The following SLC39A11 variants were observed in gnomAD, a reference collection of about 807,000 sequenced individuals.
SLC39A11 encodes solute carrier family 39 member 11, also known as zinc transporter ZIP11.
In SLC39A11, 33 loss-of-function variants were observed where a neutral mutation model predicts 36.1. That is an observed-to-expected ratio of 0.91 (90% CI 0.69 to 1.22). The LOEUF (loss-of-function observed/expected upper bound fraction) is 1.22. Among genes scored for constraint, SLC39A11 ranks in the 50% most tolerant of loss-of-function variants. The pLI is 0.00. For synonymous variants in SLC39A11, 166 were observed against 170.3 expected (o/e 0.97, Z 0.20); for missense variants, 432 against 430.3 (o/e 1.00, Z -0.03).
At chr17:72,836,815 CCTTTGTGTGGTGT>C (rs756452104) in intron 6 of SLC39A11, among the ~76,000 whole-genome samples, 9 of 152,100 alleles carry the variant, frequency 5.9e-5, no homozygotes, top group Non-Finnish European at 8.8e-5. Flanking sequence ...ATGATGCATG[CCTTTGTGTGGTGT>C]TCTGCTTCCT....
chr17:72,974,805 G>C (rs773061237), intron 4 of SLC39A11, among the ~76,000 whole-genome samples: 19 of 152,200 alleles, frequency 1.2e-4, no homozygotes, highest in East Asian at 5.8e-4. Flanking sequence ...CTCCATTCAT[G>C]ATGAGTGCCC....
intron 5 of SLC39A11, among the ~76,000 whole-genome samples, chr17:72,932,453 C>T (rs1318636107): frequency 6.6e-6 from 1 of 150,646 alleles, no homozygotes; most frequent in Admixed American, 6.6e-5. Flanking sequence ...ACCCCCCACC[C>T]CCCACAGGCC....
intron 4 of SLC39A11, among the ~76,000 whole-genome samples, chr17:72,949,415 C>T (rs1353273559): frequency 1.3e-5 from 2 of 151,886 alleles, no homozygotes; most frequent in Admixed American, 1.3e-4. Flanking sequence ...CCTGCCTCGG[C>T]CTCCCAAAGT....
chr17:72,800,207 C>T (rs1007200575), intron 6 of SLC39A11, among the ~76,000 whole-genome samples: 3 of 151,800 alleles, frequency 2.0e-5, no homozygotes, highest in Non-Finnish European at 4.4e-5. Flanking sequence ...ACCAAGGATA[C>T]TTCAAAGTGG....
At position 73,063,167 on chromosome 17, in the gene SLC39A11, C is replaced by G. The variant is rs751749861; in HGVS notation, c.147+21641G>C. ...AAGGTACTAGCATTGTCTCTATCAC[C>G]CTCAGTCTTTTGGAAAGATAAAAAT... On this transcript the variant is annotated intron_variant, in intron 3 of 9. Coordinates refer to ENST00000255559, the MANE Select transcript of SLC39A11 (RefSeq NM_139177.4). Among the ~76,000 whole-genome samples the G allele has an allele frequency of 3.3e-4, 50 of 152,078 alleles. 2 individuals carry two copies. The highest frequency in any genetic ancestry group is 2.5e-3 in the Admixed American group (38 of 15,264).
chr17:72,871,413 T>C (rs925411729), intron 5 of SLC39A11, among the ~76,000 whole-genome samples: 3 of 152,124 alleles, frequency 2.0e-5, no homozygotes, highest in Non-Finnish European at 4.4e-5. Flanking sequence ...GCGGTGCCTT[T>C]TGGAAAGCCC....
chr17:72,847,200 T>C lies in SLC39A11; in HGVS notation c.601+2434A>G, dbSNP rs534326631. 2.6e-5 allele frequency among the ~76,000 whole-genome samples: 4 copies of C among 152,218 alleles called. No individual in the cohort carries two copies. In the East Asian group the frequency reaches 7.7e-4, roughly 29 times the overall value. On this transcript the variant is annotated intron_variant, in intron 6 of 9. Transcript: ENST00000255559. The stretch of plus-strand genomic sequence containing the variant: ...GGCTAATCACTTGAGGCCGGGAGTT[T>C]AAGACCAGCCTGGCCAACATGGTGA...
chr17:72,982,439 C>G (rs1282328421), intron 4 of SLC39A11, among the ~76,000 whole-genome samples: 1 of 152,104 alleles, frequency 6.6e-6, no homozygotes, highest in Non-Finnish European at 1.5e-5. Context: ...AGAATCTCCC[C>G]CCAAAAGTAA....
At chr17:72,649,391 C>A (rs2069739053) in intron 7 of SLC39A11, 123 bp from the exon 8 acceptor site, 7 of 738,134 alleles carry the variant, frequency 9.5e-6, no homozygotes, top group Non-Finnish European at 1.6e-5. Flanking sequence ...CTGTGACCTG[C>A]AGTAGGAGAG....
intron 3 of SLC39A11, among the ~76,000 whole-genome samples, chr17:73,077,515 A>G (rs532490311): frequency 6.6e-6 from 1 of 152,260 alleles, no homozygotes; most frequent in African/African-American, 2.4e-5. Flanking sequence ...TTTGACAGAG[A>G]CAGGGTTTCT....
At chr17:72,892,429 C>A (rs2081805062) in intron 5 of SLC39A11, among the ~76,000 whole-genome samples, 1 of 148,536 alleles carries the variant, frequency 6.7e-6, no homozygotes. Context: ...AAAAAAAAAT[C>A]TTATTAGAGC....
chr17:72,834,160 G>A (rs118178490), intron 6 of SLC39A11, among the ~76,000 whole-genome samples: 22 of 152,210 alleles, frequency 1.4e-4, no homozygotes, highest in East Asian at 1.3e-3. Context: ...TCATGGAAGC[G>A]TTCTACATCT....
At chr17:72,823,363 C>T (rs2077877895) in intron 6 of SLC39A11, among the ~76,000 whole-genome samples, 1 of 151,226 alleles carries the variant, frequency 6.6e-6, no homozygotes, top group African/African-American at 2.4e-5. Context: ...CCTGTATCTT[C>T]CATCTCCTTC....
At chr17:72,933,009 T>A (rs1452145283) in intron 5 of SLC39A11, among the ~76,000 whole-genome samples, 2 of 152,172 alleles carry the variant, frequency 1.3e-5, no homozygotes, top group Non-Finnish European at 2.9e-5. Flanking sequence ...CACTCAATGA[T>A]TTTCCCCTAA....
chr17:73,003,554 GAC>G (rs1377869026), intron 4 of SLC39A11, among the ~76,000 whole-genome samples: 1 of 152,126 alleles, frequency 6.6e-6, no homozygotes, highest in Non-Finnish European at 1.5e-5. Context: ...AGGCAGACAA[GAC>G]CCCGGGCTGA....
chr17:72,787,985 T>C (rs2145012880), intron 6 of SLC39A11, among the ~76,000 whole-genome samples: 1 of 152,356 alleles, frequency 6.6e-6, no homozygotes, highest in Middle Eastern at 3.4e-3. Context: ...CTTTCATGAA[T>C]GTCCTTCTCC....
intron 7 of SLC39A11, among the ~76,000 whole-genome samples, chr17:72,697,089 T>TCTC (rs2072338895): frequency 6.6e-6 from 1 of 152,220 alleles, no homozygotes; most frequent in Non-Finnish European, 1.5e-5. Context: ...TTTCTTATTC[T>TCTC]TTTTCTTTTT....
At chr17:72,880,386 T>C (rs2081131927) in intron 5 of SLC39A11, among the ~76,000 whole-genome samples, 1 of 151,994 alleles carries the variant, frequency 6.6e-6, no homozygotes, top group East Asian at 1.9e-4. Context: ...CTGGGCAACA[T>C]GGTGAAACCC....
At chr17:72,658,758 C>T (rs1224613940) in intron 7 of SLC39A11, among the ~76,000 whole-genome samples, 1 of 152,182 alleles carries the variant, frequency 6.6e-6, no homozygotes, top group Admixed American at 6.5e-5. Context: ...CTACAGATCA[C>T]TCAGCCTTTC....
Sources: allele counts gnomAD v4.1 joint callset (sites outside exome capture counted in the v4.1 genomes callset), GRCh38; gene constraint gnomAD v4.1.1; transcripts MANE v1.5; gene names NCBI Gene and HGNC (gene_info 2026-07-23, HGNC 2026-07-21).